The following SMC4 variants were observed in gnomAD, a reference collection of about 807,000 sequenced individuals.
SMC4 encodes structural maintenance of chromosomes 4.
Under a neutral mutation model 145.6 loss-of-function variants are expected in SMC4, and 87 were observed. The ratio of observed to expected loss-of-function variants is 0.60; its 90% confidence interval spans 0.50 to 0.71. The LOEUF is 0.71. Ranked by LOEUF, SMC4 falls within the 30% of genes least tolerant of loss-of-function variation. The pLI, the probability that SMC4 is intolerant of heterozygous loss-of-function variation, is 0.00. For synonymous variants in SMC4, 558 were observed against 500.7 expected (o/e 1.11, Z -1.53); for missense variants, 1,447 against 1,537.1 (o/e 0.94, Z 0.98).
chr3:160,402,824 A>G lies in SMC4; in HGVS notation c.467A>G (p.Gln156Arg). The change falls in exon 4 of 24, where the codon CAG (glutamine) becomes CGG (arginine). Residue 156 changes from glutamine to arginine, a missense_variant. Gln to Arg is a conservative substitution (Grantham distance 43). Transcript: ENST00000357388. ...AATTCTGATGAACACAAGGACATTC[A>G]GAGTTGTACAGTAGAAGTTCATTTT... ...IHNSDEHKDI[Q>R]SCTVEVHFQK... The G allele has an allele frequency of 6.3e-7, 1 of 1,599,186 alleles. No homozygotes were observed. The highest frequency in any genetic ancestry group is 1.1e-5 in the South Asian group (1 of 87,814).
At chr3:160,406,451 A>G (rs1576942502) in intron 5 of SMC4, among the ~76,000 whole-genome samples, 1 of 152,098 alleles carries the variant, frequency 6.6e-6, no homozygotes. Context: ...CTGGCAATTT[A>G]AAGCATTTGA....
In SMC4 at chr3:160,431,658, C is replaced by G; in HGVS notation, c.3130C>G (p.Leu1044Val). 2 of 1,586,612 alleles carry G rather than the reference C, an allele frequency of 1.3e-6. No homozygotes were observed. Among genetic ancestry groups the G allele is most frequent in the Non-Finnish European group, 1.7e-6 (2 of 1,172,580 alleles). ...YWHKEISKIS[L>V]HPIEDNPIEE... ...GAACTTTTAGATTTCAAAAATATCA[C>G]TGCATCCTATAGAAGATAATCCTAT... Residue 1044 changes from leucine (L) to valine (V), a missense_variant, in exon 21 of 24, where the codon CTG becomes GTG. By Grantham distance (32) the Leu-to-Val change is conservative. Coordinates refer to ENST00000357388, the MANE Select transcript of SMC4 (RefSeq NM_001002800.3).
At chr3:160,428,603 CGTT>C (rs1718046980) in intron 17 of SMC4, 147 bp from the exon 18 acceptor site, 1 of 613,984 alleles carries the variant, frequency 1.6e-6, no homozygotes. Flanking sequence ...TACAGGATAT[CGTT>C]TTTTTTTTTA....
intron 5 of SMC4, chr3:160,404,809 T>G (rs768780684): frequency 9.1e-6 from 5 of 551,750 alleles, no homozygotes; most frequent in Admixed American, 5.8e-5. Context: ...AATATTACTG[T>G]GCTGCTTTAG....
rs767463115 is a variant in SMC4, at chr3:160,404,394, A to G, written c.577A>G (p.Asn193Asp). The change falls in exon 5 of 24, where the codon AAT becomes GAT. Residue 193 changes from asparagine (N) to aspartate (D), a missense_variant. Transcript: ENST00000357388. Reference sequence around the variant, plus strand: ...TGTATCCAGAACGGCCTGCAGAGATAATACTTCTGTCTATCACATAAGTGG... The same window carrying G: ...TGTATCCAGAACGGCCTGCAGAGATGATACTTCTGTCTATCACATAAGTGG... ...FYVSRTACRD[N>D]TSVYHISGKK... 1.2e-6 allele frequency: 2 copies of G among 1,610,894 alleles called. No individual in the cohort carries two copies. Among genetic ancestry groups the G allele is most frequent in the African/African-American group, 1.3e-5 (1 of 74,738 alleles).
In SMC4 at chr3:160,399,707, A is replaced by G. The variant is rs568628318; in HGVS notation, c.-48A>G. ...CGGTAGGAGCGGGGAGGTGGGTACT[A>G]CACAACCGTCTCCAGCCTTGGTCTG... On this transcript the variant is annotated 5_prime_UTR_variant, in exon 1 of 24. Coordinates refer to ENST00000357388, the MANE Select transcript of SMC4 (RefSeq NM_001002800.3). 2 of 152,800 alleles carry G rather than the reference A, an allele frequency of 1.3e-5. No individual in the cohort carries two copies. Among genetic ancestry groups the G allele is most frequent in the Admixed American group, 6.5e-5 (1 of 15,312 alleles). The allele number at this position is 152,800 out of a possible 1,614,324, so 9.5% of individuals were successfully genotyped here.
chr3:160,432,966 C>A, intron 22 of SMC4, 60 bp from the exon 23 acceptor site: 2 of 1,197,962 alleles, frequency 1.7e-6, no homozygotes, highest in Non-Finnish European at 2.4e-6. Flanking sequence ...GAAAGCAAAT[C>A]ACAAAGTCTT....
At chr3:160,408,572 T>C (rs1338818693) in intron 5 of SMC4, among the ~76,000 whole-genome samples, 1 of 152,262 alleles carries the variant, frequency 6.6e-6, no homozygotes, top group African/African-American at 2.4e-5. Context: ...TGCCAGTCAC[T>C]ATTTGTGACT....
At chr3:160,408,539 G>C (rs1173112519) in intron 5 of SMC4, among the ~76,000 whole-genome samples, 1 of 152,208 alleles carries the variant, frequency 6.6e-6, no homozygotes, top group African/African-American at 2.4e-5. Flanking sequence ...GTAGCGACTT[G>C]AAACATTTTT....
At chr3:160,429,936 T>G (rs992586579) in intron 18 of SMC4, among the ~76,000 whole-genome samples, 13 of 151,310 alleles carry the variant, frequency 8.6e-5, no homozygotes, top group African/African-American at 3.2e-4. Flanking sequence ...AGGCTGGTCT[T>G]GAACTCCTGA....
chr3:160,415,727 T>G lies in SMC4; in HGVS notation c.1273-524T>G, dbSNP rs867527834. On this transcript the variant is annotated intron_variant, in intron 9 of 23. Transcript: ENST00000357388. The stretch of plus-strand genomic sequence containing the variant: ...TGACAGACTTAGCTAAGTGTAACTG[T>G]TACAGAGTGATTAGCCTTTAGGCAT... Among the ~76,000 whole-genome samples the G allele has an allele frequency of 3.3e-5, 5 of 152,358 alleles. No homozygotes were observed. The South Asian group carries it at 1.0e-3, about 32-fold the overall frequency.
rs1456512677 is a variant in SMC4 at position 160,434,397 on chromosome 3, T to TATC, written c.*589_*591dup. The TATC allele has an allele frequency of 1.3e-5, 2 of 152,228 alleles. No individual in the cohort carries two copies. Among genetic ancestry groups the TATC allele is most frequent in the African/African-American group, 4.8e-5 (2 of 41,462 alleles). 9.4% of individuals were successfully genotyped at this position (152,228 alleles called of 1,614,324 possible). On this transcript the variant is annotated 3_prime_UTR_variant, in exon 24 of 24. Coordinates refer to ENST00000357388, the MANE Select transcript of SMC4 (RefSeq NM_001002800.3). Reference sequence around the variant, plus strand: ...GGACAGTGTTTCAACAAGCCTAGGCTATCTCGTAAGTTGAAAAATATCCCA... The same window carrying TATC: ...GGACAGTGTTTCAACAAGCCTAGGCTATCATCTCGTAAGTTGAAAAATATCCCA...
At chr3:160,400,025 T>C (rs1309874966) in intron 1 of SMC4, 1 of 152,260 alleles carries the variant, frequency 6.6e-6, no homozygotes, top group African/African-American at 2.4e-5. Flanking sequence ...TCCTAGTCTC[T>C]ATCTGGAAAA....
At chr3:160,421,246 A>C (rs1036625750) in intron 13 of SMC4, among the ~76,000 whole-genome samples, 1 of 152,028 alleles carries the variant, frequency 6.6e-6, no homozygotes, top group African/African-American at 2.4e-5. Flanking sequence ...TGAATTTTTA[A>C]GTGCTAAGTG....
intron 20 of SMC4, 116 bp from the exon 21 acceptor site, chr3:160,431,527 A>AC (rs771565502): frequency 5.0e-6 from 4 of 800,224 alleles, no homozygotes; most frequent in Non-Finnish European, 7.9e-6. Context: ...TAATTGATAA[A>AC]TCAGTCACAA....
intron 5 of SMC4, among the ~76,000 whole-genome samples, chr3:160,405,348 G>A (rs1402983499): frequency 1.3e-5 from 2 of 150,556 alleles, no homozygotes; most frequent in Admixed American, 1.3e-4. Context: ...TAAAACCATG[G>A]CTTTGTCAAG....
At chr3:160,417,561 A>T in intron 10 of SMC4, 162 bp from the exon 11 acceptor site, 1 of 626,912 alleles carries the variant, frequency 1.6e-6, no homozygotes, top group Non-Finnish European at 2.8e-6. Context: ...ATTGACAACT[A>T]GGCAAAAACT....
rs551977104 is a variant in SMC4, at chr3:160,423,956, G to A, written c.2325+116G>A. On this transcript the variant is annotated intron_variant, in intron 15 of 23. Coordinates refer to ENST00000357388, the MANE Select transcript of SMC4 (RefSeq NM_001002800.3). ...AGTATGGTGTACTCAAATTTTAATA[G>A]ATGGCGTTTTCTATAAATGACTAGG... The A allele has an allele frequency of 2.1e-4, 133 of 620,940 alleles. 1 individual carries two copies. The South Asian group carries it at 3.9e-3, about 18-fold the overall frequency. The allele number at this position is 620,940 out of a possible 1,614,324, so 38.5% of individuals were successfully genotyped here.
At chr3:160,404,654 A>T (rs781188500) in intron 5 of SMC4, 150 bp downstream of exon 5, 2 of 804,286 alleles carry the variant, frequency 2.5e-6, no homozygotes, top group Non-Finnish European at 4.5e-6. Flanking sequence ...GCGAATCATT[A>T]TTTGCTGCTC....
Sources: gnomAD v4.1 joint callset for allele counts (sites outside exome capture counted in the v4.1 genomes callset) on GRCh38, gnomAD v4.1.1 for gene constraint, MANE v1.5 for transcripts, NCBI Gene and HGNC (gene_info 2026-07-23, HGNC 2026-07-21) for gene names.